PLEKHA7: variants seen among roughly 807,000 people sequenced by gnomAD.
The protein encoded by PLEKHA7 is pleckstrin homology domain containing A7.
In PLEKHA7, 104 loss-of-function variants were observed where a neutral mutation model predicts 170.0. The ratio of observed to expected loss-of-function variants is 0.61; its 90% CI spans 0.52 to 0.72. The LOEUF (loss-of-function observed/expected upper bound fraction) is 0.72. Among genes scored for constraint, PLEKHA7 ranks in the 30% least tolerant of loss-of-function variants. PLEKHA7 has a pLI of 0.00. For missense variants in PLEKHA7, 1,615 were observed against 1,671.7 expected (o/e 0.97, Z 0.59); for synonymous variants, 648 against 660.8 (o/e 0.98, Z 0.30).
At chr11:16,841,074 A>G (rs452414) in intron 9 of PLEKHA7, among the ~76,000 whole-genome samples, 14,653 of 152,140 alleles carry the variant, frequency 0.096, 819 homozygotes, top group East Asian at 0.16. Flanking sequence ...CCTCGACTCC[A>G]CTCATATTCC....
chr11:16,830,001 C>T (rs965903753), intron 9 of PLEKHA7, among the ~76,000 whole-genome samples: 5 of 150,900 alleles, frequency 3.3e-5, no homozygotes, highest in African/African-American at 1.2e-4. Flanking sequence ...TTTTCTGATA[C>T]AGGGTCCCAC....
chr11:16,802,601 A>G (rs984472702), intron 15 of PLEKHA7, among the ~76,000 whole-genome samples: 1 of 151,926 alleles, frequency 6.6e-6, no homozygotes, highest in Non-Finnish European at 1.5e-5. Context: ...AGGCTGGAAT[A>G]CAGTGGCGTG....
At chr11:16,873,557 G>A (rs1401310931) in intron 3 of PLEKHA7, among the ~76,000 whole-genome samples, 1 of 152,214 alleles carries the variant, frequency 6.6e-6, no homozygotes, top group Non-Finnish European at 1.5e-5. Flanking sequence ...AAAAAGCAGA[G>A]TTAAGTCTGA....
intron 3 of PLEKHA7, among the ~76,000 whole-genome samples, chr11:16,957,848 C>T (rs1468390155): frequency 1.3e-5 from 2 of 151,694 alleles, no homozygotes; most frequent in African/African-American, 4.8e-5. Flanking sequence ...GGATTACAGG[C>T]ATGCACCACC....
rs560481159 is a variant in PLEKHA7, at chr11:17,004,051, G to A, written c.221+9938C>T. On this transcript the variant is annotated intron_variant, in intron 3 of 26. Coordinates refer to ENST00000531066, the MANE Select transcript of PLEKHA7 (RefSeq NM_001329630.2). The stretch of plus-strand genomic sequence containing the variant: ...CAGGGGGAACTCGCATTCCTCTGCC[G>A]GTACACATTTCTATTTAGAACACAA... Among the ~76,000 whole-genome samples, 120 of 152,218 alleles carry A rather than the reference G, an allele frequency of 7.9e-4. 1 individual carries two copies. The highest frequency in any genetic ancestry group is 2.7e-3 in the African/African-American group (114 of 41,514).
chr11:16,932,382 A>G (rs1860001885), intron 3 of PLEKHA7, among the ~76,000 whole-genome samples: 1 of 149,738 alleles, frequency 6.7e-6, no homozygotes, highest in Admixed American at 6.7e-5. Context: ...GGCTCAGGTG[A>G]TCCTCTCACC....
rs149559154 is a variant in PLEKHA7 at position 16,988,363 on chromosome 11, G to A, written c.221+25626C>T. 1.6e-4 allele frequency among the ~76,000 whole-genome samples: 24 copies of A among 152,326 alleles called. No homozygotes were observed. In the East Asian group the frequency reaches 4.1e-3, roughly 26 times the overall value. ...GGGACAGTCAGGAACTCTGGGCAGAGGAATGGCAGAAGGCATTTACTCCAT... is the reference window on the plus strand; with the variant it reads ...GGGACAGTCAGGAACTCTGGGCAGAAGAATGGCAGAAGGCATTTACTCCAT... On this transcript the variant is annotated intron_variant, in intron 3 of 26. Transcript: ENST00000531066.
At chr11:17,002,804 G>C (rs1288749431) in intron 3 of PLEKHA7, among the ~76,000 whole-genome samples, 2 of 152,168 alleles carry the variant, frequency 1.3e-5, no homozygotes, top group East Asian at 3.9e-4. Flanking sequence ...CCAGTAAAGA[G>C]GTAAACCAGG....
Position 16,786,400 on chromosome 11 carries a change from C to A in PLEKHA7, c.3358-13G>T, listed in dbSNP as rs1280704412. 1.3e-6 allele frequency: 2 copies of A among 1,536,094 alleles called. No homozygotes were observed. The highest frequency in any genetic ancestry group is 2.4e-5 in the East Asian group (1 of 40,918). Reference sequence around the variant, plus strand: ...GCTCACGCTTCCACTGGCAACAGAACAAGAGGTTAAACGTAGTCGCTTCCT... The same window carrying A: ...GCTCACGCTTCCACTGGCAACAGAAAAAGAGGTTAAACGTAGTCGCTTCCT... On this transcript the variant is annotated splice_polypyrimidine_tract_variant and intron_variant, in intron 23 of 26. Coordinates refer to ENST00000531066, the MANE Select transcript of PLEKHA7 (RefSeq NM_001329630.2).
At chr11:16,975,891 G>A (rs1007410130) in intron 3 of PLEKHA7, among the ~76,000 whole-genome samples, 6 of 152,164 alleles carry the variant, frequency 3.9e-5, no homozygotes, top group Admixed American at 3.3e-4. Flanking sequence ...CCACAATCAC[G>A]TTATTCTCTC....
At chr11:16,967,725 C>T (rs775512249) in intron 3 of PLEKHA7, among the ~76,000 whole-genome samples, 14 of 152,174 alleles carry the variant, frequency 9.2e-5, no homozygotes, top group Admixed American at 2.6e-4. Context: ...CTTTCTCTGA[C>T]GGACAGGCCA....
intron 3 of PLEKHA7, among the ~76,000 whole-genome samples, chr11:16,893,747 A>C (rs916989392): frequency 3.3e-5 from 5 of 152,228 alleles, no homozygotes; most frequent in African/African-American, 1.2e-4. Context: ...CTTACTCCGT[A>C]AACCAGGACT....
At chr11:16,973,442 A>G (rs1862847850) in intron 3 of PLEKHA7, among the ~76,000 whole-genome samples, 1 of 151,852 alleles carries the variant, frequency 6.6e-6, no homozygotes, top group Non-Finnish European at 1.5e-5. Context: ...ACTGCCTCAA[A>G]CTCTCCCCTG....
chr11:16,804,316 CAG>C (rs1334494984), intron 13 of PLEKHA7, among the ~76,000 whole-genome samples: 1 of 152,150 alleles, frequency 6.6e-6, no homozygotes, highest in Non-Finnish European at 1.5e-5. Flanking sequence ...GTGTGCTATG[CAG>C]AGAGGTCCCA....
intron 3 of PLEKHA7, among the ~76,000 whole-genome samples, chr11:16,921,348 C>T (rs187369753): frequency 1.3e-5 from 2 of 152,100 alleles, no homozygotes; most frequent in African/African-American, 4.8e-5. Flanking sequence ...AAAAGGGTTA[C>T]AATCCCATGC....
Position 16,815,713 on chromosome 11 carries a change from G to A in PLEKHA7, c.1953+465C>T, listed in dbSNP as rs533445722. Among the ~76,000 whole-genome samples the A allele has an allele frequency of 3.3e-5, 5 of 152,072 alleles. No homozygotes were observed. In the East Asian group the frequency reaches 7.7e-4, roughly 24 times the overall value. ...GTATTTTTAGTAGAGACGGGGTTTCGCCATGTTTGCTAGGCTGGTCTTGAA... is the reference window on the plus strand; with the variant it reads ...GTATTTTTAGTAGAGACGGGGTTTCACCATGTTTGCTAGGCTGGTCTTGAA... On this transcript the variant is annotated intron_variant, in intron 12 of 26. Transcript: ENST00000531066.
intron 3 of PLEKHA7, among the ~76,000 whole-genome samples, chr11:16,933,858 C>T (rs1036174226): frequency 7.9e-5 from 12 of 152,164 alleles, no homozygotes; most frequent in Admixed American, 6.5e-5. Context: ...CAAGCAAGAG[C>T]AGAGCCAAAT....
chr11:16,919,271 C>G (rs1285625148), intron 3 of PLEKHA7, among the ~76,000 whole-genome samples: 1 of 152,314 alleles, frequency 6.6e-6, no homozygotes, highest in East Asian at 1.9e-4. Context: ...TCATTGCACA[C>G]TTTGGGAAAC....
chr11:16,931,381 C>T (rs897697930), intron 3 of PLEKHA7, among the ~76,000 whole-genome samples: 1 of 152,114 alleles, frequency 6.6e-6, no homozygotes, highest in Non-Finnish European at 1.5e-5. Flanking sequence ...TACCTGTCTA[C>T]CTTTACCTTC....
Sources: gnomAD v4.1 joint callset for allele counts (sites outside exome capture counted in the v4.1 genomes callset) on GRCh38, gnomAD v4.1.1 for gene constraint, MANE v1.5 for transcripts, NCBI Gene and HGNC (gene_info 2026-07-23, HGNC 2026-07-21) for gene names.